The following PCID2 variants were observed in gnomAD, a reference collection of about 807,000 sequenced individuals.
PCID2 encodes the protein PCI domain-containing protein 2.
A neutral mutation model predicts 61.3 loss-of-function variants in PCID2; 41 were observed. The observed-to-expected ratio is 0.67, with a 90% CI of 0.52 to 0.87. The LOEUF is 0.87. Among genes scored for constraint, PCID2 ranks in the 40% least tolerant of loss-of-function variants. PCID2 has a pLI of 0.00. For missense variants in PCID2, 392 were observed against 493.4 expected (o/e 0.79, Z 1.95); for synonymous variants, 187 against 177.8 (o/e 1.05, Z -0.41).
intron 5 of PCID2, among the ~76,000 whole-genome samples, chr13:113,195,941 T>C (rs907322934): frequency 5.9e-5 from 9 of 152,174 alleles, no homozygotes; most frequent in African/African-American, 2.2e-4. Context: ...AATGGACATC[T>C]GAAATAAAAA....
At chr13:113,189,397 T>G (rs2038403609) in intron 7 of PCID2, among the ~76,000 whole-genome samples, 3 of 151,888 alleles carry the variant, frequency 2.0e-5, no homozygotes, top group African/African-American at 2.4e-5. Context: ...GCCTCAGGTA[T>G]TCCCCTTTTC....
the PCID2 span, among the ~76,000 whole-genome samples, chr13:113,170,780 C>T: frequency 1.3e-5 from 2 of 152,040 alleles, no homozygotes; most frequent in African/African-American, 4.8e-5. Flanking sequence ...ATAAGGATGA[C>T]TTCATTTCCC....
At chr13:113,192,334 ATTC>A (rs1376802214) in intron 6 of PCID2, among the ~76,000 whole-genome samples, 1 of 152,208 alleles carries the variant, frequency 6.6e-6, no homozygotes, top group African/African-American at 2.4e-5. Flanking sequence ...CGTTTTTTAT[ATTC>A]TTTGTGATGA....
chr13:113,201,759 T>C (rs1404466889), intron 1 of PCID2, among the ~76,000 whole-genome samples: 1 of 133,308 alleles, frequency 7.5e-6, no homozygotes, highest in African/African-American at 2.9e-5. Flanking sequence ...TTGCATGCAG[T>C]GAGCAGAAAT....
At chr13:113,174,086 A>G (rs2037154856), downstream of PCID2, among the ~76,000 whole-genome samples, 1 of 151,712 alleles carries the variant, frequency 6.6e-6, no homozygotes, top group South Asian at 2.1e-4. Context: ...AAAAAAAAAA[A>G]TCTTTGCCAA....
At chr13:113,201,773 G>A (rs1417794000) in intron 1 of PCID2, among the ~76,000 whole-genome samples, 1 of 134,436 alleles carries the variant, frequency 7.4e-6, no homozygotes, top group Non-Finnish European at 1.5e-5. Context: ...CAGAAATCGC[G>A]CCACTGCACT....
chr13:113,167,537 A>C, the PCID2 span, among the ~76,000 whole-genome samples: 2 of 152,266 alleles, frequency 1.3e-5, no homozygotes, highest in East Asian at 3.9e-4. Flanking sequence ...ATCCCTGGTA[A>C]TATTATTTGC....
At chr13:113,193,869 G>C (rs2038802792) in intron 6 of PCID2, among the ~76,000 whole-genome samples, 1 of 152,180 alleles carries the variant, frequency 6.6e-6, no homozygotes, top group African/African-American at 2.4e-5. Flanking sequence ...TCCAACATTT[G>C]TACAATCTCA....
At chr13:113,181,332 G>A (rs1478332251) in intron 9 of PCID2, 102 bp from the exon 10 acceptor site, 1 of 671,080 alleles carries the variant, frequency 1.5e-6, no homozygotes, top group South Asian at 1.7e-5. Context: ...AAAGGCAAAA[G>A]CCCCCTCCCT....
intron 1 of PCID2, among the ~76,000 whole-genome samples, chr13:113,203,913 G>A (rs4907594): frequency 0.93 from 141,143 of 152,310 alleles, 66,349 homozygotes; most frequent in East Asian, 1. Context: ...TTTAGCCCCA[G>A]AGAGGATATG....
In PCID2 at chr13:113,208,235, A is replaced by G. The variant is rs143953654; in HGVS notation, c.36+364T>C. ...CTGGGAAACAGCGTCCATCCGACAC[A>G]GCACCGCCCACAGCGGGCCCTCGGC... is the stretch of plus-strand genomic sequence containing the variant. On this transcript the variant is annotated intron_variant, in intron 1 of 13. Transcript: ENST00000337344. The G allele has an allele frequency of 4.0e-5, 59 of 1,469,674 alleles. No homozygotes were observed. The South Asian group carries it at 6.4e-4, about 16-fold the overall frequency. 91.0% of individuals were successfully genotyped at this position (1,469,674 alleles called of 1,614,324 possible).
intron 1 of PCID2, chr13:113,208,103 A>G (rs1416410391): frequency 6.2e-7 from 1 of 1,612,022 alleles, no homozygotes; most frequent in Non-Finnish European, 8.5e-7. Context: ...GAAGGGCGTT[A>G]AACGACAGCG....
chr13:113,191,902 CCAGA>C (rs1396009272), intron 6 of PCID2, among the ~76,000 whole-genome samples: 1 of 152,154 alleles, frequency 6.6e-6, no homozygotes, highest in Non-Finnish European at 1.5e-5. Context: ...TTCTTAAACA[CCAGA>C]CACTCTGCAA....
At chr13:113,198,458 T>C (rs2039180554) in intron 2 of PCID2, among the ~76,000 whole-genome samples, 194 bp from the exon 3 acceptor site, 2 of 152,082 alleles carry the variant, frequency 1.3e-5, no homozygotes, top group Non-Finnish European at 2.9e-5. Context: ...TCCCAGCACT[T>C]TGGGAGGGCG....
At chr13:113,184,308 T>G (rs778077780) in intron 9 of PCID2, 38 bp downstream of exon 9, 1 of 1,566,154 alleles carries the variant, frequency 6.4e-7, no homozygotes, top group Non-Finnish European at 8.8e-7. Flanking sequence ...ATGCAATGTC[T>G]TATTTAAAAT....
intron 1 of PCID2, among the ~76,000 whole-genome samples, chr13:113,203,824 C>T (rs1345373877): frequency 6.6e-6 from 1 of 152,204 alleles, no homozygotes; most frequent in African/African-American, 2.4e-5. Flanking sequence ...CAGTAGTTGG[C>T]CCTGGGATGG....
downstream of PCID2, among the ~76,000 whole-genome samples, chr13:113,172,763 CAGGGCTG>C (rs2037138898): frequency 6.6e-6 from 1 of 152,228 alleles, no homozygotes; most frequent in Non-Finnish European, 1.5e-5. Context: ...GGCCCGAAGT[CAGGGCTG>C]AGCACTGAGA....
intron 6 of PCID2, among the ~76,000 whole-genome samples, chr13:113,194,397 G>A (rs2038850331): frequency 6.6e-6 from 1 of 151,652 alleles, no homozygotes; most frequent in Non-Finnish European, 1.5e-5. Context: ...AGGAAACCTG[G>A]AGACTCCCTA....
chr13:113,188,964 C>A (rs2038363423), intron 7 of PCID2, among the ~76,000 whole-genome samples: 1 of 152,094 alleles, frequency 6.6e-6, no homozygotes, highest in Non-Finnish European at 1.5e-5. Context: ...GTTTTTTGGC[C>A]ACATCAAGCC....
Sources: allele counts gnomAD v4.1 joint callset (sites outside exome capture counted in the v4.1 genomes callset), GRCh38; gene constraint gnomAD v4.1.1; transcripts MANE v1.5; gene names NCBI Gene and HGNC (gene_info 2026-07-23, HGNC 2026-07-21).